Variants in PPP1R9A observed in about 807,000 individuals in gnomAD.
The protein encoded by PPP1R9A is neurabin-1.
A neutral mutation model predicts 141.9 loss-of-function variants in PPP1R9A; 59 were observed. That is an observed-to-expected ratio of 0.42 (90% CI 0.34 to 0.52). The LOEUF (loss-of-function observed/expected upper bound fraction) is 0.52, where lower values mean the gene tolerates loss of function less well. PPP1R9A is among the 20% of genes least tolerant of loss of function. PPP1R9A has a pLI of 0.10. For synonymous variants in PPP1R9A, 500 were observed against 569.7 expected (o/e 0.88, Z 1.74); for missense variants, 1,444 against 1,611.9 (o/e 0.90, Z 1.78).
chr7:94,954,345 A>G (rs1796832781), intron 2 of PPP1R9A, among the ~76,000 whole-genome samples: 2 of 151,948 alleles, frequency 1.3e-5, no homozygotes, highest in African/African-American at 4.8e-5. Context: ...ATATATTTCA[A>G]AGCTCTTTGT....
At chr7:95,182,707 G>A (rs148320874) in intron 5 of PPP1R9A, among the ~76,000 whole-genome samples, 11 of 152,054 alleles carry the variant, frequency 7.2e-5, no homozygotes, top group South Asian at 2.1e-4. Flanking sequence ...TAAGACTACC[G>A]CTTGCCCTAA....
chr7:95,193,148 T>C (rs934306048), intron 5 of PPP1R9A, among the ~76,000 whole-genome samples: 16 of 152,124 alleles, frequency 1.1e-4, no homozygotes, highest in Admixed American at 2.0e-4. Flanking sequence ...TCCATCTGGA[T>C]CGTACTTATC....
At chr7:94,988,192 T>C (rs1584136951) in intron 2 of PPP1R9A, among the ~76,000 whole-genome samples, 1 of 152,074 alleles carries the variant, frequency 6.6e-6, no homozygotes, top group African/African-American at 2.4e-5. Context: ...ATATTGGGAA[T>C]ATGAAGACAT....
chr7:94,971,343 C>A (rs1327953863), intron 2 of PPP1R9A, among the ~76,000 whole-genome samples: 2 of 152,148 alleles, frequency 1.3e-5, no homozygotes, highest in African/African-American at 4.8e-5. Flanking sequence ...ACTTGGTAAT[C>A]ATTTCATGCT....
At position 94,995,372 on chromosome 7, in the gene PPP1R9A, AT is replaced by A. The variant is rs771364116; in HGVS notation, c.1395+83870del. Among the ~76,000 whole-genome samples, 8 of 151,692 alleles carry A rather than the reference AT, an allele frequency of 5.3e-5. No homozygotes were observed. The East Asian group carries it at 7.7e-4, about 15-fold the overall frequency. ...TTATAAAACTTGGAAAAATTTGGCC[AT>A]TTTTTCCCCCCAATGTTTTCTTTCC... is the stretch of plus-strand genomic sequence containing the variant. On this transcript the variant is annotated intron_variant, in intron 2 of 19. Coordinates refer to ENST00000433360, the MANE Select transcript of PPP1R9A (RefSeq NM_001166160.2).
chr7:95,046,968 T>C (rs552453433), intron 2 of PPP1R9A, among the ~76,000 whole-genome samples: 368 of 152,314 alleles, frequency 2.4e-3, no homozygotes, highest in African/African-American at 8.5e-3. Context: ...TATTGCGGTG[T>C]TTGTAATTGA....
At position 94,910,565 on chromosome 7, in the gene PPP1R9A, A is replaced by G; in HGVS notation, c.452A>G (p.His151Arg). 1.9e-6 allele frequency: 3 copies of G among 1,614,230 alleles called. No individual in the cohort carries two copies. The highest frequency in any genetic ancestry group is 2.5e-6 in the Non-Finnish European group (3 of 1,180,046). Reference protein sequence around the residue: ...ETRKMFERSVHESGQNNRYSP... With the variant: ...ETRKMFERSVRESGQNNRYSP... ...CGAAAGATGTTTGAGAGAAGTGTGC[A>G]TGAATCAGGACAGAACAACCGCTAT... Residue 151 changes from histidine (H) to arginine (R), a missense_variant, in exon 2 of 20, where the codon CAT (histidine) becomes CGT (arginine). Coordinates refer to ENST00000433360, the MANE Select transcript of PPP1R9A (RefSeq NM_001166160.2). The surrounding 1 kb of genome is among the most constrained non-coding windows in gnomAD (Gnocchi z 4.5).
Position 95,197,712 on chromosome 7 carries a change from G to A in PPP1R9A, c.1755-637G>A, listed in dbSNP as rs1000528566. 9.2e-5 allele frequency among the ~76,000 whole-genome samples: 14 copies of A among 152,202 alleles called. 1 individual carries two copies. The highest frequency in any genetic ancestry group is 1.9e-4 in the African/African-American group (8 of 41,512). ...CACCCAGGCTGGAGTGCAGTGGCGC[G>A]GTCTTGGCTCACTGCAACCTCCGCC... is the stretch of plus-strand genomic sequence containing the variant. On this transcript the variant is annotated intron_variant, in intron 5 of 19. Coordinates refer to ENST00000433360, the MANE Select transcript of PPP1R9A (RefSeq NM_001166160.2).
intron 2 of PPP1R9A, among the ~76,000 whole-genome samples, chr7:94,913,514 G>T (rs1791701563): frequency 6.6e-6 from 1 of 152,162 alleles, no homozygotes; most frequent in African/African-American, 2.4e-5. Flanking sequence ...TATTGCATTT[G>T]ATTGGGCAGT....
At chr7:95,050,470 A>G (rs1452941559) in intron 2 of PPP1R9A, among the ~76,000 whole-genome samples, 1 of 152,162 alleles carries the variant, frequency 6.6e-6, no homozygotes, top group Admixed American at 6.5e-5. Context: ...GCTCACACCT[A>G]TAATCCCAGC....
chr7:95,290,566 A>C lies in PPP1R9A; in HGVS notation c.*263A>C. The C allele has an allele frequency of 2.4e-6, 1 of 408,524 alleles. No individual in the cohort carries two copies. 25.3% of individuals were successfully genotyped at this position (408,524 alleles called of 1,614,324 possible). A position where few individuals can be genotyped will look rare whatever the true frequency, so the allele number is the denominator to read the frequency against. On this transcript the variant is annotated 3_prime_UTR_variant, in exon 20 of 20. Transcript: ENST00000433360. Reference sequence around the variant, plus strand: ...AAGTAGCTGTGTTTTGCTCTTCTCTAACTTACCAACATCTTGTGTTGTGTT... The same window carrying C: ...AAGTAGCTGTGTTTTGCTCTTCTCTCACTTACCAACATCTTGTGTTGTGTT...
At chr7:95,039,550 T>C (rs1808922104) in intron 2 of PPP1R9A, among the ~76,000 whole-genome samples, 2 of 144,418 alleles carry the variant, frequency 1.4e-5, no homozygotes, top group South Asian at 2.2e-4. Flanking sequence ...AGAGGGAGAC[T>C]ACATCTGAAA....
At chr7:95,225,329 A>G (rs1315773112) in intron 7 of PPP1R9A, among the ~76,000 whole-genome samples, 2 of 152,152 alleles carry the variant, frequency 1.3e-5, no homozygotes, top group Non-Finnish European at 2.9e-5. Context: ...CTTTATGTGA[A>G]ACATTTTTCT....
At chr7:94,936,547 T>G (rs922711863) in intron 2 of PPP1R9A, among the ~76,000 whole-genome samples, 2 of 152,074 alleles carry the variant, frequency 1.3e-5, no homozygotes, top group African/African-American at 4.8e-5. Flanking sequence ...GAGCAAAGAT[T>G]GCATGAAAGA....
chr7:95,295,833 TA>T lies in PPP1R9A; in HGVS notation c.*5531del, dbSNP rs1807030917. On this transcript the variant is annotated 3_prime_UTR_variant, in exon 20 of 20. Coordinates refer to ENST00000433360, the MANE Select transcript of PPP1R9A (RefSeq NM_001166160.2). Reference sequence around the variant, plus strand: ...AACAACATGAAATTTAGTTAGTGCTTAGTGAAATTCCTTAAATATATATGTA... The same window carrying T: ...AACAACATGAAATTTAGTTAGTGCTTGTGAAATTCCTTAAATATATATGTA... The T allele has an allele frequency of 6.6e-6, 1 of 152,654 alleles. No individual in the cohort carries two copies. The highest frequency in any genetic ancestry group is 2.4e-5 in the African/African-American group (1 of 41,468). 9.5% of individuals were successfully genotyped at this position (152,654 alleles called of 1,614,324 possible).
intron 4 of PPP1R9A, among the ~76,000 whole-genome samples, chr7:95,150,849 A>G (rs541742186): frequency 1.2e-4 from 18 of 152,370 alleles, no homozygotes; most frequent in African/African-American, 3.4e-4. Flanking sequence ...TAAAATGCTC[A>G]AAAGACCTGA....
At chr7:95,158,443 CGAG>C (rs1829970698) in intron 4 of PPP1R9A, among the ~76,000 whole-genome samples, 1 of 152,012 alleles carries the variant, frequency 6.6e-6, no homozygotes, top group South Asian at 2.1e-4. Context: ...TCACTTGAGA[CGAG>C]GAGTTTGAGA....
At chr7:95,138,782 A>G (rs1442960060) in intron 4 of PPP1R9A, among the ~76,000 whole-genome samples, 1 of 152,236 alleles carries the variant, frequency 6.6e-6, no homozygotes, top group Non-Finnish European at 1.5e-5. Flanking sequence ...AGCAATGCAA[A>G]TTAAACTTTA....
intron 2 of PPP1R9A, among the ~76,000 whole-genome samples, chr7:94,977,015 A>G (rs1799527868): frequency 6.6e-6 from 1 of 152,146 alleles, no homozygotes. Context: ...GGTATATGAG[A>G]GTAAAGGATA....
Sources: allele counts gnomAD v4.1 joint callset (sites outside exome capture counted in the v4.1 genomes callset), GRCh38; gene constraint gnomAD v4.1.1; non-coding constraint Gnocchi (gnomAD v3.1); transcripts MANE v1.5; gene names NCBI Gene and HGNC (gene_info 2026-07-23, HGNC 2026-07-21).